Variants in CCDC126 observed in about 807,000 individuals in gnomAD.
The protein encoded by CCDC126 is coiled-coil domain containing 126.
A neutral mutation model predicts 11.7 loss-of-function variants in CCDC126; 5 were observed. The ratio of observed to expected loss-of-function variants is 0.43; its 90% CI spans 0.22 to 0.90. The LOEUF (loss-of-function observed/expected upper bound fraction) is 0.90, where lower values mean the gene tolerates loss of function less well. Among genes scored for constraint, CCDC126 ranks in the 40% least tolerant of loss-of-function variants. The probability of loss-of-function intolerance (pLI) is 0.27; values close to 1 mark genes in which losing one functional copy is unlikely to be tolerated. For missense variants in CCDC126, 150 were observed against 163.1 expected (o/e 0.92, Z 0.44); for synonymous variants, 60 against 61.9 (o/e 0.97, Z 0.14).
At position 23,606,310 on chromosome 7, in the gene CCDC126, G is replaced by A. The variant is rs1189034165; in HGVS notation, c.-145-4861G>A. 1.3e-4 allele frequency among the ~76,000 whole-genome samples: 20 copies of A among 152,124 alleles called. No individual in the cohort carries two copies. In the East Asian group the frequency reaches 3.5e-3, roughly 27 times the overall value. ...CCTGACCTCGTGATCTGCCTGCCTT[G>A]GCCTCCCAAAGTGCTGGGATTACAG... On this transcript the variant is annotated intron_variant, in intron 2 of 3. Transcript: ENST00000307471.
chr7:23,624,566 G>A (rs1281914439), intron 3 of CCDC126, among the ~76,000 whole-genome samples: 1 of 152,206 alleles, frequency 6.6e-6, no homozygotes, highest in Non-Finnish European at 1.5e-5. Flanking sequence ...ACTATTTTCA[G>A]TTTTGTGGGT....
In CCDC126 at chr7:23,623,954, CCTT is replaced by C. The variant is rs1782971520; in HGVS notation, c.238+12404_238+12406del. 2.6e-5 allele frequency among the ~76,000 whole-genome samples: 4 copies of C among 152,248 alleles called. No individual in the cohort carries two copies. The South Asian group carries it at 8.3e-4, about 32-fold the overall frequency. On this transcript the variant is annotated intron_variant, in intron 3 of 3. Coordinates refer to ENST00000307471, the MANE Select transcript of CCDC126 (RefSeq NM_138771.4). ...TATATCCCAGAACTTTGCACCTAGTCCTTCTAGGTTTTTAGTCCTTTCTTTACC... is the reference window on the plus strand; with the variant it reads ...TATATCCCAGAACTTTGCACCTAGTCCTAGGTTTTTAGTCCTTTCTTTACC...
intron 3 of CCDC126, among the ~76,000 whole-genome samples, chr7:23,642,614 T>C (rs1201401121): frequency 1.3e-5 from 2 of 151,840 alleles, no homozygotes; most frequent in African/African-American, 4.8e-5. Context: ...AATACAAAAA[T>C]TAGCTGGGCG....
chr7:23,639,214 T>C (rs1783308589), intron 3 of CCDC126, among the ~76,000 whole-genome samples: 3 of 149,076 alleles, frequency 2.0e-5, no homozygotes. Flanking sequence ...TTTTTTGAGA[T>C]GGAGTCTCGC....
intron 3 of CCDC126, among the ~76,000 whole-genome samples, chr7:23,637,690 G>A (rs1264199833): frequency 1.1e-3 from 10 of 8,746 alleles, no homozygotes; most frequent in African/African-American, 3.2e-3. Context: ...CAGCCGCCCC[G>A]TCCAGGAGGG....
chr7:23,637,448 G>A (rs1240173296), intron 3 of CCDC126, among the ~76,000 whole-genome samples: 3 of 82,524 alleles, frequency 3.6e-5, no homozygotes, highest in African/African-American at 9.4e-5. Flanking sequence ...TCAGCCCCCC[G>A]CCCGGCCAGC....
intron 3 of CCDC126, among the ~76,000 whole-genome samples, chr7:23,626,310 T>C (rs1019071000): frequency 5.9e-5 from 9 of 152,140 alleles, no homozygotes; most frequent in Non-Finnish European, 7.4e-5. Flanking sequence ...GTACAAATTA[T>C]AATAAGATTA....
intron 2 of CCDC126, chr7:23,598,366 AATC>A (rs1342725596): frequency 3.9e-5 from 6 of 152,240 alleles, no homozygotes; most frequent in African/African-American, 1.4e-4. Context: ...TTGTTTGTTT[AATC>A]ATCCTGGGTT....
At chr7:23,613,460 T>A (rs1442284899) in intron 3 of CCDC126, among the ~76,000 whole-genome samples, 1 of 152,234 alleles carries the variant, frequency 6.6e-6, no homozygotes, top group African/African-American at 2.4e-5. Context: ...TCATCTCATT[T>A]TTTTGGTGAT....
Position 23,632,850 on chromosome 7 carries a change from A to G in CCDC126, c.239-10081A>G, listed in dbSNP as rs550537764. ...GATGTAGATATTTAAGACGTAGTCT[A>G]TTTATGGTGATTTGTATCATTTAGG... is the stretch of plus-strand genomic sequence containing the variant. On this transcript the variant is annotated intron_variant, in intron 3 of 3. Coordinates refer to ENST00000307471, the MANE Select transcript of CCDC126 (RefSeq NM_138771.4). Among the ~76,000 whole-genome samples the G allele has an allele frequency of 2.2e-4, 34 of 152,334 alleles. No homozygotes were observed. The South Asian group carries it at 6.6e-3, about 30-fold the overall frequency.
At chr7:23,638,251 A>G (rs1295027206) in intron 3 of CCDC126, among the ~76,000 whole-genome samples, 3 of 151,814 alleles carry the variant, frequency 2.0e-5, no homozygotes, top group African/African-American at 7.2e-5. Context: ...CATGATGACA[A>G]TGGCGGTTTT....
chr7:23,606,045 G>A (rs1782617888), intron 2 of CCDC126, among the ~76,000 whole-genome samples: 1 of 151,710 alleles, frequency 6.6e-6, no homozygotes, highest in South Asian at 2.1e-4. Context: ...GTATTTCATA[G>A]TGGTTTTATT....
chr7:23,635,003 C>T (rs1013144102), intron 3 of CCDC126, among the ~76,000 whole-genome samples: 4 of 151,994 alleles, frequency 2.6e-5, no homozygotes. Context: ...CATCATATAC[C>T]CTTCTTTTGA....
At chr7:23,603,766 G>T (rs562915479) in intron 2 of CCDC126, among the ~76,000 whole-genome samples, 1 of 152,300 alleles carries the variant, frequency 6.6e-6, no homozygotes, top group South Asian at 2.1e-4. Flanking sequence ...GTGGGAGAAG[G>T]TGGGGTTAGG....
chr7:23,622,929 T>C lies in CCDC126; in HGVS notation c.238+11376T>C, dbSNP rs77699134. 860 of 277,480 alleles carry C rather than the reference T, an allele frequency of 3.1e-3. 18 individuals are homozygous for C. In the East Asian group the frequency reaches 0.038, roughly 12 times the overall value. 17.2% of individuals were successfully genotyped at this position (277,480 alleles called of 1,614,324 possible). A position where few individuals can be genotyped will look rare whatever the true frequency, so the allele number is the denominator to read the frequency against. On this transcript the variant is annotated intron_variant, in intron 3 of 3. Coordinates refer to ENST00000307471, the MANE Select transcript of CCDC126 (RefSeq NM_138771.4). Reference sequence around the variant, plus strand: ...TGAATTATTATTCTGTTGACCTGTTTGCTCTGCTGTGAGCTGAGGATGGTT... The same window carrying C: ...TGAATTATTATTCTGTTGACCTGTTCGCTCTGCTGTGAGCTGAGGATGGTT...
chr7:23,632,270 T>C (rs1223574991), intron 3 of CCDC126, among the ~76,000 whole-genome samples: 1 of 152,110 alleles, frequency 6.6e-6, no homozygotes, highest in Non-Finnish European at 1.5e-5. Context: ...AATTTTTGTA[T>C]TTTTAGTAAA....
intron 3 of CCDC126, among the ~76,000 whole-genome samples, chr7:23,633,654 G>A (rs536606954): frequency 1.3e-5 from 2 of 151,986 alleles, no homozygotes; most frequent in African/African-American, 2.4e-5. Flanking sequence ...ACTTAAGATC[G>A]GGAGTTCGAT....
intron 3 of CCDC126, chr7:23,622,809 A>G (rs34096175): frequency 0.023 from 10,362 of 451,448 alleles, 155 homozygotes; most frequent in Non-Finnish European, 0.034. Flanking sequence ...AGATGATTAC[A>G]GAGCCCCTCC....
chr7:23,638,949 G>A (rs1783301296), intron 3 of CCDC126, among the ~76,000 whole-genome samples: 1 of 149,812 alleles, frequency 6.7e-6, no homozygotes, highest in Non-Finnish European at 1.5e-5. Context: ...TGATTGCCAT[G>A]GAAAAGGAGA....
Sources: gnomAD v4.1 joint callset for allele counts (sites outside exome capture counted in the v4.1 genomes callset) on GRCh38, gnomAD v4.1.1 for gene constraint, MANE v1.5 for transcripts, NCBI Gene and HGNC (gene_info 2026-07-23, HGNC 2026-07-21) for gene names.